The following RYR2 variants were observed in gnomAD, a reference collection of about 807,000 sequenced individuals.
The protein encoded by RYR2 is ryanodine receptor 2.
Under a neutral mutation model 601.1 loss-of-function variants are expected in RYR2, and 227 were observed. That is an observed-to-expected ratio of 0.38 (90% confidence interval 0.34 to 0.42). RYR2 has a LOEUF of 0.42. Among genes scored for constraint, RYR2 ranks in the 10% least tolerant of loss-of-function variants. The pLI is 1.00. For missense variants in RYR2, 4,646 were observed against 6,156.5 expected (o/e 0.75, Z 8.21); for synonymous variants, 2,223 against 2,175.1 (o/e 1.02, Z -0.61).
At chr1:237,067,091 T>C (rs1663741704) in intron 1 of RYR2, among the ~76,000 whole-genome samples, 2 of 152,234 alleles carry the variant, frequency 1.3e-5, no homozygotes, top group African/African-American at 2.4e-5. Context: ...TCCTGGTTTG[T>C]AGCTCATCAT....
chr1:237,455,950 C>T (rs1658758575), intron 15 of RYR2, among the ~76,000 whole-genome samples: 1 of 152,108 alleles, frequency 6.6e-6, no homozygotes, highest in Admixed American at 6.6e-5. Flanking sequence ...CCCAACTTCT[C>T]ATATAAGACA....
At chr1:237,055,137 C>T (rs549598562) in intron 1 of RYR2, among the ~76,000 whole-genome samples, 2 of 152,260 alleles carry the variant, frequency 1.3e-5, no homozygotes, top group South Asian at 2.1e-4. Flanking sequence ...TTGAGAGTGC[C>T]ATTCCCTTCC....
intron 1 of RYR2, among the ~76,000 whole-genome samples, chr1:237,238,724 G>A (rs1343663433): frequency 6.6e-6 from 1 of 152,142 alleles, no homozygotes; most frequent in Non-Finnish European, 1.5e-5. Flanking sequence ...ACACATCCAG[G>A]TCAATAATAG....
chr1:237,474,447 T>G (rs1167973989), intron 17 of RYR2, among the ~76,000 whole-genome samples: 6 of 151,902 alleles, frequency 3.9e-5, no homozygotes, highest in Non-Finnish European at 8.8e-5. Context: ...CCACAGTGAT[T>G]AAGAAGTCAG....
At chr1:237,392,075 T>G (rs1702432925) in intron 10 of RYR2, among the ~76,000 whole-genome samples, 1 of 152,062 alleles carries the variant, frequency 6.6e-6, no homozygotes, top group Non-Finnish European at 1.5e-5. Context: ...TTGTGAGCAG[T>G]CAGGTATAAG....
Position 237,614,331 on chromosome 1 carries a change from A to G in RYR2, c.5203A>G (p.Ser1735Gly). ...TGTCCCCATGACGGAGGAGACGAAGAGCATCACCCTGTTCCCTGATGAGAA... is the reference window on the plus strand; with the variant it reads ...TGTCCCCATGACGGAGGAGACGAAGGGCATCACCCTGTTCCCTGATGAGAA... Reference protein sequence around the residue: ...YIVPMTEETKSITLFPDENKK... With the variant: ...YIVPMTEETKGITLFPDENKK... The change falls in exon 37 of 105, where the codon AGC becomes GGC. Residue 1735 changes from serine to glycine, a missense_variant. This residue lies in a region of RYR2 where 1,807 missense variants were observed against 2,088.1 expected (regional missense o/e 0.87). Coordinates refer to ENST00000366574, the MANE Select transcript of RYR2 (RefSeq NM_001035.3). The surrounding 1 kb of genome is among the most constrained non-coding windows in gnomAD (Gnocchi z 4.3). 1 of 1,614,050 alleles carries G rather than the reference A, an allele frequency of 6.2e-7. No individual in the cohort carries two copies. The highest frequency in any genetic ancestry group is 1.1e-5 in the South Asian group (1 of 91,086).
At chr1:237,546,997 T>TATATATATATATATATATATA (rs58050661) in intron 25 of RYR2, among the ~76,000 whole-genome samples, 111 of 83,168 alleles carry the variant, frequency 1.3e-3, no homozygotes, top group Non-Finnish European at 1.9e-3. Context: ...ATATATATAT[T>TATATATATATATATATATATA]TATTTATTTA....
intron 98 of RYR2, among the ~76,000 whole-genome samples, chr1:237,805,268 C>CA (rs1660486241): frequency 6.6e-6 from 1 of 152,022 alleles, no homozygotes; most frequent in Admixed American, 6.6e-5. Context: ...CAAACTGATA[C>CA]AGCTAACTAG....
chr1:237,138,192 C>T (rs1427589268), intron 1 of RYR2, among the ~76,000 whole-genome samples: 2 of 152,080 alleles, frequency 1.3e-5, no homozygotes, highest in Admixed American at 6.5e-5. Context: ...CCACCGTGCC[C>T]GGCTAATTTT....
At chr1:237,728,259 T>C (rs948959567) in intron 76 of RYR2, among the ~76,000 whole-genome samples, 3 of 152,260 alleles carry the variant, frequency 2.0e-5, no homozygotes, top group African/African-American at 7.2e-5. Context: ...AAGACAGCTG[T>C]ATTTCTTGCC....
intron 86 of RYR2, among the ~76,000 whole-genome samples, chr1:237,773,234 A>G (rs1429748327): frequency 6.6e-6 from 1 of 152,196 alleles, no homozygotes; most frequent in Non-Finnish European, 1.5e-5. Context: ...TCCAGTCTTA[A>G]TGAATTCTTA....
At chr1:237,312,851 G>C (rs1442193871) in intron 2 of RYR2, among the ~76,000 whole-genome samples, 1 of 152,102 alleles carries the variant, frequency 6.6e-6, no homozygotes, top group Non-Finnish European at 1.5e-5. Flanking sequence ...GTAATTGGTG[G>C]ATTAAAATGA....
In RYR2 at chr1:237,089,165, C is replaced by G. The variant is rs535543676; in HGVS notation, c.48+46596C>G. Among the ~76,000 whole-genome samples, 23 of 152,320 alleles carry G rather than the reference C, an allele frequency of 1.5e-4. 1 individual carries two copies. In the South Asian group the frequency reaches 4.8e-3, roughly 32 times the overall value. On this transcript the variant is annotated intron_variant, in intron 1 of 104. Coordinates refer to ENST00000366574, the MANE Select transcript of RYR2 (RefSeq NM_001035.3). ...CAATTACATCCATTTCATCTGCCTC[C>G]AACTTAACCCATTCTCAGTGTGGGG...
chr1:237,219,480 C>G (rs539062798), intron 1 of RYR2, among the ~76,000 whole-genome samples: 1 of 152,218 alleles, frequency 6.6e-6, no homozygotes, highest in Admixed American at 6.5e-5. Context: ...CTCTTGCCCC[C>G]GGAGACGTCT....
intron 1 of RYR2, among the ~76,000 whole-genome samples, chr1:237,103,303 A>G (rs7554607): frequency 0.41 from 61,831 of 152,122 alleles, 12,725 homozygotes; most frequent in Middle Eastern, 0.46. Context: ...TCATGGCATC[A>G]CCTACAACGG....
intron 10 of RYR2, among the ~76,000 whole-genome samples, chr1:237,416,485 A>T (rs886316650): frequency 3.3e-5 from 5 of 152,180 alleles, no homozygotes; most frequent in Non-Finnish European, 7.3e-5. Flanking sequence ...CATCCAAAGA[A>T]ATTCCTTTTT....
intron 2 of RYR2, among the ~76,000 whole-genome samples, chr1:237,288,612 C>G (rs545833914): frequency 6.6e-6 from 1 of 152,084 alleles, no homozygotes; most frequent in South Asian, 2.1e-4. Flanking sequence ...TAGTCACAGG[C>G]CTCACCCAGC....
chr1:237,763,868 T>G (rs570263572), intron 84 of RYR2, among the ~76,000 whole-genome samples: 2 of 152,282 alleles, frequency 1.3e-5, no homozygotes, highest in East Asian at 3.9e-4. Flanking sequence ...TTGTTTAAGA[T>G]TCTGTAAAAG....
chr1:237,360,834 A>T (rs1366190920), intron 4 of RYR2, among the ~76,000 whole-genome samples: 1 of 152,172 alleles, frequency 6.6e-6, no homozygotes, highest in Non-Finnish European at 1.5e-5. Context: ...AGCATCTTGG[A>T]CATTTTTAGC....
Sources: gnomAD v4.1 joint callset for allele counts (sites outside exome capture counted in the v4.1 genomes callset) on GRCh38, gnomAD v4.1.1 for gene constraint, gnomAD v4.1.1 regional missense constraint, Gnocchi (gnomAD v3.1) non-coding constraint, MANE v1.5 for transcripts, NCBI Gene and HGNC (gene_info 2026-07-23, HGNC 2026-07-21) for gene names.